AK2: variants seen among roughly 807,000 people sequenced by gnomAD.
AK2 encodes adenylate kinase 2, mitochondrial.
AK2 carries 15 observed loss-of-function variants against 24.6 expected under a neutral mutation model. That is an observed-to-expected ratio of 0.61 (90% CI 0.41 to 0.94). The LOEUF (loss-of-function observed/expected upper bound fraction) is 0.94, where lower values mean the gene tolerates loss of function less well. Among genes scored for constraint, AK2 ranks in the 40% least tolerant of loss-of-function variants. AK2 has a pLI of 0.00. For synonymous variants in AK2, 102 were observed against 114.0 expected, an observed-to-expected ratio of 0.90 and a Z score of 0.67; for missense variants, 257 against 304.1, an observed-to-expected ratio of 0.85 and a Z score of 1.15.
rs1168828682 is a variant in AK2, at chr1:33,034,479, CACACACACATAT to C, written c.93+2245_93+2256del. 9.0e-3 allele frequency among the ~76,000 whole-genome samples: 1,362 copies of C among 150,876 alleles called. 14 individuals carry two copies. The highest frequency in any genetic ancestry group is 0.033 in the African/African-American group (1,317 of 40,426). ...ACACACACACACACACACACACACA[CACACACACATAT>C]ATCATAATTTTCCAGTATCATTGTG... On this transcript the variant is annotated intron_variant, in intron 1 of 5. Transcript: ENST00000672715.
In AK2 at chr1:33,010,545, T is replaced by G. The variant is rs975852978; in HGVS notation, c.*2636A>C. 1.3e-6 allele frequency: 1 copy of G among 796,920 alleles called. No homozygotes were observed. 49.4% of individuals were successfully genotyped at this position (796,920 alleles called of 1,614,324 possible). ...AGTCCAGAGTAAATGAAAACCCGAT[T>G]CCTTAGAAATAATATTGTGTCTATT... On this transcript the variant is annotated 3_prime_UTR_variant, in exon 6 of 6. Coordinates refer to ENST00000672715, the MANE Select transcript of AK2 (RefSeq NM_001625.4).
At chr1:33,021,560 A>G (rs1639556585) in intron 3 of AK2, 33 bp downstream of exon 3, 2 of 1,608,964 alleles carry the variant, frequency 1.2e-6, no homozygotes, top group Non-Finnish European at 1.7e-6. Flanking sequence ...ATTTGGTTTC[A>G]TGCAGTAGTA....
chr1:33,027,451 C>CGAA (rs1557629357), intron 1 of AK2, among the ~76,000 whole-genome samples: 1 of 152,030 alleles, frequency 6.6e-6, no homozygotes, highest in African/African-American at 2.4e-5. Context: ...GGGAAGAAAA[C>CGAA]TAATTCCTGG....
Position 33,012,241 on chromosome 1 carries a change from C to A in AK2, c.*940G>T. ...AATTGCTATTTTCAGCATCATGATGCAGATCACAAAAATATTCCAATTTGG... is the reference window on the plus strand; with the variant it reads ...AATTGCTATTTTCAGCATCATGATGAAGATCACAAAAATATTCCAATTTGG... On this transcript the variant is annotated 3_prime_UTR_variant, in exon 6 of 6. Coordinates refer to ENST00000672715, the MANE Select transcript of AK2 (RefSeq NM_001625.4). 6.5e-7 allele frequency: 1 copy of A among 1,534,808 alleles called. No homozygotes were observed. Among genetic ancestry groups the A allele is most frequent in the Non-Finnish European group, 8.7e-7 (1 of 1,146,630 alleles).
At chr1:33,031,113 G>A (rs1640209707) in intron 1 of AK2, 1 of 152,216 alleles carries the variant, frequency 6.6e-6, no homozygotes, top group Non-Finnish European at 1.5e-5. Flanking sequence ...ACAGGAGGAT[G>A]AACAGGAGAA....
In AK2 at chr1:33,008,173, T is replaced by C. The variant is rs1248589234; in HGVS notation, c.*5008A>G. 2.2e-6 allele frequency: 1 copy of C among 454,234 alleles called. No individual in the cohort carries two copies. Among genetic ancestry groups the C allele is most frequent in the South Asian group, 1.6e-5 (1 of 64,478 alleles). 28.1% of individuals were successfully genotyped at this position (454,234 alleles called of 1,614,324 possible). A position where few individuals can be genotyped will look rare whatever the true frequency, so the allele number is the denominator to read the frequency against. ...ATTCCATCTGTGTTTACTAAGCATCTGCTGTGTCCTGGGCAGTCCAACCCA... is the reference window on the plus strand; with the variant it reads ...ATTCCATCTGTGTTTACTAAGCATCCGCTGTGTCCTGGGCAGTCCAACCCA... On this transcript the variant is annotated 3_prime_UTR_variant, in exon 6 of 6. Coordinates refer to ENST00000672715, the MANE Select transcript of AK2 (RefSeq NM_001625.4).
chr1:33,023,507 A>G (rs1231845863), intron 2 of AK2, among the ~76,000 whole-genome samples: 1 of 152,122 alleles, frequency 6.6e-6, no homozygotes, highest in Non-Finnish European at 1.5e-5. Flanking sequence ...GGATCACTTG[A>G]GCCCAGGAGG....
At chr1:33,035,831 C>A (rs1488156575) in intron 1 of AK2, among the ~76,000 whole-genome samples, 1 of 152,092 alleles carries the variant, frequency 6.6e-6, no homozygotes, top group Non-Finnish European at 1.5e-5. Flanking sequence ...GCCACCTGAC[C>A]TTTCTGGGCC....
rs1026929623 is a variant in AK2, at chr1:33,008,418, G to A, written c.*4763C>T. On this transcript the variant is annotated 3_prime_UTR_variant, in exon 6 of 6. Coordinates refer to ENST00000672715, the MANE Select transcript of AK2 (RefSeq NM_001625.4). ...CTGTGTTCTGTCAGTGACACTTTGTGCACACAGGAGATCCTAAGACACATA... is the reference window on the plus strand; with the variant it reads ...CTGTGTTCTGTCAGTGACACTTTGTACACACAGGAGATCCTAAGACACATA... 1.3e-5 allele frequency: 6 copies of A among 453,990 alleles called. No homozygotes were observed. The highest frequency in any genetic ancestry group is 7.0e-5 in the Admixed American group (3 of 42,560). 28.1% of individuals were successfully genotyped at this position (453,990 alleles called of 1,614,324 possible).
rs186017364 is a variant in AK2, at chr1:33,019,066, A to C, written c.425+2301T>G. Among the ~76,000 whole-genome samples the C allele has an allele frequency of 5.5e-4, 83 of 152,204 alleles. 1 individual carries two copies. Among genetic ancestry groups the C allele is most frequent in the African/African-American group, 2.0e-3 (81 of 41,536 alleles). ...TAGCCTCAGCGAAAGTCCAACCCAT[A>C]ATCATTCCGGCTTCTCCTCCCTTCT... On this transcript the variant is annotated intron_variant, in intron 4 of 5. Transcript: ENST00000672715.
intron 1 of AK2, chr1:33,029,212 T>A (rs1469188154): frequency 6.6e-6 from 1 of 152,086 alleles, no homozygotes; most frequent in Non-Finnish European, 1.5e-5. Context: ...GTAACCATCA[T>A]CTTCTTCTTA....
Position 33,012,260 on chromosome 1 carries a change from A to C in AK2, c.*921T>G. ...ATGATGCAGATCACAAAAATATTCC[A>C]ATTTGGCCTGGCTCTTTTTATGACG... is the stretch of plus-strand genomic sequence containing the variant. On this transcript the variant is annotated 3_prime_UTR_variant, in exon 6 of 6. Coordinates refer to ENST00000672715, the MANE Select transcript of AK2 (RefSeq NM_001625.4). 2.0e-6 allele frequency: 3 copies of C among 1,534,962 alleles called. No homozygotes were observed. The highest frequency in any genetic ancestry group is 1.7e-6 in the Non-Finnish European group (2 of 1,146,610).
intron 4 of AK2, among the ~76,000 whole-genome samples, chr1:33,016,503 G>A (rs997223336): frequency 6.6e-6 from 1 of 151,836 alleles, no homozygotes; most frequent in Non-Finnish European, 1.5e-5. Flanking sequence ...GAGCCACTGC[G>A]CCTGGTCTAT....
intron 2 of AK2, 93 bp downstream of exon 2, chr1:33,024,340 AAATTAATCT>A (rs1639740223): frequency 6.8e-7 from 1 of 1,464,354 alleles, no homozygotes; most frequent in South Asian, 1.2e-5. Flanking sequence ...TACATTAATT[AAATTAATCT>A]AAATAGCCAC....
At chr1:33,019,665 G>A in intron 4 of AK2, 4 of 1,010,502 alleles carry the variant, frequency 4.0e-6, no homozygotes, top group Non-Finnish European at 4.7e-6. Context: ...TCTTCTTGAA[G>A]GTATGGACTA....
intron 1 of AK2, among the ~76,000 whole-genome samples, chr1:33,030,685 T>C (rs555770264): frequency 1.6e-4 from 25 of 152,368 alleles, no homozygotes; most frequent in African/African-American, 5.8e-4. Flanking sequence ...GTATGTATAA[T>C]ACATAATAAA....
In AK2 at chr1:33,012,190, TCA is replaced by T; in HGVS notation, c.*989_*990del. On this transcript the variant is annotated 3_prime_UTR_variant, in exon 6 of 6. Coordinates refer to ENST00000672715, the MANE Select transcript of AK2 (RefSeq NM_001625.4). ...CCTGGTTTAATTCTCTGGCAACAAT[TCA>T]GTTTTCAAACCCAATTCCCAAATAA... The T allele has an allele frequency of 6.5e-7, 1 of 1,535,432 alleles. No individual in the cohort carries two copies. The highest frequency in any genetic ancestry group is 8.7e-7 in the Non-Finnish European group (1 of 1,146,730).
In AK2 at chr1:33,036,119, G is replaced by T. The variant is rs1640564174; in HGVS notation, c.93+617C>A. 2.0e-5 allele frequency among the ~76,000 whole-genome samples: 3 copies of T among 152,068 alleles called. No individual in the cohort carries two copies. The South Asian group carries it at 6.2e-4, about 32-fold the overall frequency. On this transcript the variant is annotated intron_variant, in intron 1 of 5. Transcript: ENST00000672715. ...ATTGTGGACACTACTCAAAGGTTGC[G>T]ACTCATGGGTCTCCAGGCTATAAAC...
chr1:33,011,253 C>A lies in AK2; in HGVS notation c.*1928G>T. 7.7e-7 allele frequency: 1 copy of A among 1,298,358 alleles called. No individual in the cohort carries two copies. The highest frequency in any genetic ancestry group is 1.0e-6 in the Non-Finnish European group (1 of 996,522). The allele number at this position is 1,298,358 out of a possible 1,614,324, so 80.4% of individuals were successfully genotyped here. On this transcript the variant is annotated 3_prime_UTR_variant, in exon 6 of 6. Coordinates refer to ENST00000672715, the MANE Select transcript of AK2 (RefSeq NM_001625.4). ...GAGCTGATTCTAAGATTCATGATGC[C>A]ACTGTCACCCAGAGAAGGATCCCAG...
Sources: gnomAD v4.1 joint callset for allele counts (sites outside exome capture counted in the v4.1 genomes callset) on GRCh38, gnomAD v4.1.1 for gene constraint, MANE v1.5 for transcripts, NCBI Gene and HGNC (gene_info 2026-07-23, HGNC 2026-07-21) for gene names.